Variants in ADCK5 observed in about 807,000 individuals in gnomAD.
ADCK5 encodes the protein aarF domain containing kinase 5, also known as uncharacterized aarF domain-containing protein kinase 5.
Under a neutral mutation model 64.9 loss-of-function variants are expected in ADCK5, and 43 were observed. That is an observed-to-expected ratio of 0.66 (90% CI 0.52 to 0.85). ADCK5 has a LOEUF of 0.85. ADCK5 is among the 40% of genes least tolerant of loss of function. The pLI, the probability that ADCK5 is intolerant of heterozygous loss-of-function variation, is 0.00. For missense variants in ADCK5, 760 were observed against 810.5 expected (o/e 0.94, Z 0.76); for synonymous variants, 434 against 342.8 (o/e 1.27, Z -2.94).
At chr8:144,392,916 G>A in intron 14 of ADCK5, 24 bp downstream of exon 14, 1 of 1,595,362 alleles carries the variant, frequency 6.3e-7, no homozygotes, top group Non-Finnish European at 8.5e-7. Context: ...GGGCAGGTGG[G>A]TGGCGGGGGC....
In ADCK5 at chr8:144,392,971, TGGA is replaced by T; in HGVS notation, c.1642_1644del (p.Glu548del). 6.3e-7 allele frequency: 1 copy of T among 1,587,800 alleles called. No homozygotes were observed. The highest frequency in any genetic ancestry group is 8.5e-7 in the Non-Finnish European group (1 of 1,170,296). On this transcript the variant is annotated inframe_deletion, in exon 15 of 15. Transcript: ENST00000308860. ...GACCTGTGACCTGACCCACGCAGGC[TGGA>T]GACCTTGGCCATGCGGCTGACCGCC...
rs782804354 is a variant in ADCK5 at position 144,392,161 on chromosome 8, TGGA to T, written c.1171_1173del (p.Glu391del). The T allele has an allele frequency of 7.4e-6, 9 of 1,222,316 alleles. No homozygotes were observed. Among genetic ancestry groups the T allele is most frequent in the East Asian group, 5.0e-5 (1 of 19,812 alleles). The allele number at this position is 1,222,316 out of a possible 1,614,324, so 75.7% of individuals were successfully genotyped here. On this transcript the variant is annotated inframe_deletion, in exon 11 of 15. Coordinates refer to ENST00000308860, the MANE Select transcript of ADCK5 (RefSeq NM_174922.5). ...CTGGACCACGGGCTCTACCAGTTCC[TGGA>T]GGAGAAGTGAGCGCGGGTGGGTGGG...
At chr8:144,377,908 G>A (rs1586574634) in intron 1 of ADCK5, among the ~76,000 whole-genome samples, 2 of 152,360 alleles carry the variant, frequency 1.3e-5, no homozygotes, top group East Asian at 3.9e-4. Context: ...CCACTGGTCA[G>A]TGGTCTCAGC....
intron 3 of ADCK5, chr8:144,389,468 C>T: frequency 2.5e-6 from 1 of 398,086 alleles, no homozygotes; most frequent in South Asian, 1.8e-5. Context: ...CCTACCCCAT[C>T]TCACCTGGGC....
intron 2 of ADCK5, among the ~76,000 whole-genome samples, chr8:144,379,793 G>C (rs1554857809): frequency 6.6e-6 from 1 of 152,216 alleles, no homozygotes; most frequent in Non-Finnish European, 1.5e-5. Context: ...AGAGCATGGA[G>C]GAGGGCGGGG....
At position 144,393,100 on chromosome 8, in the gene ADCK5, G is replaced by GCC; in HGVS notation, c.*28_*29dup. ...GGTGCAGCCGCCCAGGGCCGGCGGGGCCCTTTTCACCTTGGGCTGACGGAG... is the reference window on the plus strand; with the variant it reads ...GGTGCAGCCGCCCAGGGCCGGCGGGGCCCCCTTTTCACCTTGGGCTGACGGAG... On this transcript the variant is annotated 3_prime_UTR_variant, in exon 15 of 15. Coordinates refer to ENST00000308860, the MANE Select transcript of ADCK5 (RefSeq NM_174922.5). 6.6e-7 allele frequency: 1 copy of GCC among 1,517,764 alleles called. No homozygotes were observed. Among genetic ancestry groups the GCC allele is most frequent in the Non-Finnish European group, 8.8e-7 (1 of 1,136,846 alleles). The allele number at this position is 1,517,764 out of a possible 1,614,324, so 94.0% of individuals were successfully genotyped here.
chr8:144,392,096 G>A lies in ADCK5; in HGVS notation c.1101G>A (p.Leu367=), dbSNP rs1820271831. ...CCTAAGAGGCTGTATCCCTAGTTCT[G>A]GTGCGGAAAGGCCCGGACGGGAAAG... ...IHSDPHPGNV[L]VRKGPDGKAE... is the part of the protein sequence containing the mutation. The change falls in exon 11 of 15, where the codon CTG becomes CTA. Residue 367 remains leucine (L), a synonymous_variant. Transcript: ENST00000308860. 2 of 1,612,214 alleles carry A rather than the reference G, an allele frequency of 1.2e-6. No individual in the cohort carries two copies. The highest frequency in any genetic ancestry group is 1.7e-6 in the Non-Finnish European group (2 of 1,179,932).
rs1554857187 is a variant in ADCK5, at chr8:144,376,491, A to G, written c.12+2384A>G. 6.6e-6 allele frequency among the ~76,000 whole-genome samples: 1 copy of G among 152,160 alleles called. No individual in the cohort carries two copies. Among genetic ancestry groups the G allele is most frequent in the Non-Finnish European group, 1.5e-5 (1 of 68,032 alleles). ...GGAGGGATCTCTGTCCTGGATAAGA[A>G]TGGGAGTGAGAGACGCAGCTGGAGC... is the stretch of plus-strand genomic sequence containing the variant. On this transcript the variant is annotated intron_variant, in intron 1 of 14. Coordinates refer to ENST00000308860, the MANE Select transcript of ADCK5 (RefSeq NM_174922.5). This position sits in a 1 kb window ranked among gnomAD's most constrained non-coding sequence, Gnocchi z 5.1.
Position 144,378,536 on chromosome 8 carries a change from T to G in ADCK5, c.13-851T>G, listed in dbSNP as rs146797642. On this transcript the variant is annotated intron_variant, in intron 1 of 14. Transcript: ENST00000308860. ...TTGCCTTCTGCCATGACTGTAAGTT[T>G]CCTGAGGCCTCTCAGTGGTGCTTCC... Among the ~76,000 whole-genome samples, 1,328 of 152,180 alleles carry G rather than the reference T, an allele frequency of 8.7e-3. 6 individuals are homozygous for G. The highest frequency in any genetic ancestry group is 0.015 in the Non-Finnish European group (1,032 of 68,004).
chr8:144,380,996 G>A, intron 2 of ADCK5, among the ~76,000 whole-genome samples: 1 of 151,448 alleles, frequency 6.6e-6, no homozygotes, highest in African/African-American at 2.4e-5. Context: ...TGGGCTGGGT[G>A]TAGAAACAGA....
intron 1 of ADCK5, chr8:144,377,262 A>G (rs1351461427): frequency 6.6e-6 from 1 of 152,146 alleles, no homozygotes; most frequent in East Asian, 1.9e-4. Flanking sequence ...TTTTTTTAAT[A>G]ATACTGTAAG....
chr8:144,392,418 T>TCCCCCCCC, intron 12 of ADCK5, 27 bp from the exon 13 acceptor site: 1 of 799,268 alleles, frequency 1.3e-6, no homozygotes, highest in South Asian at 1.9e-5. Flanking sequence ...CAGAGCCCCC[T>TCCCCCCCC]CCCTCCCTCC....
In ADCK5 at chr8:144,392,784, G is replaced by C. The variant is rs782019641; in HGVS notation, c.1529G>C (p.Arg510Pro). 6.3e-7 allele frequency: 1 copy of C among 1,593,052 alleles called. No homozygotes were observed. Among genetic ancestry groups the C allele is most frequent in the African/African-American group, 1.3e-5 (1 of 74,754 alleles). ...RYFLMAKRAV[R>P]GWSRLAGATY... ...AACGCGGGTGTGTGCAGGGCTGTCC[G>C]GGGCTGGAGCCGCCTGGCGGGCGCC... The change falls in exon 14 of 15, where the codon CGG becomes CCG. Residue 510 changes from arginine to proline, a missense_variant. By Grantham distance (103) the Arg-to-Pro change is moderately radical. This residue lies in a region of ADCK5 where 333 missense variants were observed against 292.0 expected (regional missense o/e 1.14). Transcript: ENST00000308860.
rs377262219 is a variant in ADCK5 at position 144,385,294 on chromosome 8, C to T, written c.266+2064C>T. Among the ~76,000 whole-genome samples the T allele has an allele frequency of 5.3e-5, 8 of 151,380 alleles. No individual in the cohort carries two copies. The East Asian group carries it at 1.0e-3, about 19-fold the overall frequency. ...GTGCTCCCTTGGTTTAAGCGACTCTCCTGTCTCGCCTCCCAAGCAGCTGGG... is the reference window on the plus strand; with the variant it reads ...GTGCTCCCTTGGTTTAAGCGACTCTTCTGTCTCGCCTCCCAAGCAGCTGGG... On this transcript the variant is annotated intron_variant, in intron 3 of 14. Transcript: ENST00000308860.
At position 144,391,731 on chromosome 8, in the gene ADCK5, T is replaced by TG; in HGVS notation, c.930+24dup. 6.5e-7 allele frequency: 1 copy of TG among 1,538,506 alleles called. No individual in the cohort carries two copies. Among genetic ancestry groups the TG allele is most frequent in the South Asian group, 1.2e-5 (1 of 84,050 alleles). On this transcript the variant is annotated intron_variant, in intron 8 of 14. Transcript: ENST00000308860. ...AGCAAGGTGGGCTGGGCCAGGCCCT[T>TG]GGGGTGGGCACAGCGCTGGGCCTGC... is the stretch of plus-strand genomic sequence containing the variant.
Position 144,391,352 on chromosome 8 carries a change from C to A in ADCK5, c.685-9C>A, listed in dbSNP as rs1554860490. The A allele has an allele frequency of 6.2e-7, 1 of 1,613,086 alleles. No homozygotes were observed. Among genetic ancestry groups the A allele is most frequent in the Admixed American group, 1.7e-5 (1 of 60,016 alleles). On this transcript the variant is annotated splice_polypyrimidine_tract_variant and intron_variant, in intron 6 of 14. Transcript: ENST00000308860. The stretch of plus-strand genomic sequence containing the variant: ...CCCCAAGTTCTCACCACACCCTCGC[C>A]CAGTGCAGGTGCAGTACATCGACCT...
At chr8:144,382,767 A>G (rs1221822036) in intron 2 of ADCK5, among the ~76,000 whole-genome samples, 1 of 152,240 alleles carries the variant, frequency 6.6e-6, no homozygotes, top group Admixed American at 6.5e-5. Flanking sequence ...CGTGAGGAGC[A>G]CAGACCTGCC....
intron 3 of ADCK5, among the ~76,000 whole-genome samples, chr8:144,390,023 G>A (rs1282879383): frequency 6.6e-6 from 1 of 151,186 alleles, no homozygotes; most frequent in Non-Finnish European, 1.5e-5. Context: ...TAGAAATGGG[G>A]TTTCACCATG....
chr8:144,391,321 G>T (rs782157410), intron 6 of ADCK5, 40 bp from the exon 7 acceptor site: 1 of 1,612,322 alleles, frequency 6.2e-7, no homozygotes. Flanking sequence ...GCGGGGCACA[G>T]TGGGGCCCCA....
Sources: allele counts gnomAD v4.1 joint callset (sites outside exome capture counted in the v4.1 genomes callset), GRCh38; gene constraint gnomAD v4.1.1; regional missense constraint gnomAD v4.1.1; non-coding constraint Gnocchi (gnomAD v3.1); transcripts MANE v1.5; gene names NCBI Gene and HGNC (gene_info 2026-07-23, HGNC 2026-07-21).